ORC4: variants seen among roughly 807,000 people sequenced by gnomAD.
The protein encoded by ORC4 is origin recognition complex subunit 4.
ORC4 carries 55 observed loss-of-function variants against 63.9 expected under a neutral mutation model. The observed-to-expected ratio is 0.86, with a 90% CI of 0.69 to 1.08. The LOEUF (loss-of-function observed/expected upper bound fraction) is 1.08. Ranked by LOEUF, ORC4 falls within the 50% of genes least tolerant of loss-of-function variation. The probability of loss-of-function intolerance (pLI) is 0.00; values close to 1 mark genes in which losing one functional copy is unlikely to be tolerated. For synonymous variants in ORC4, 150 were observed against 168.5 expected (o/e 0.89, Z 0.85); for missense variants, 511 against 504.4 (o/e 1.01, Z -0.13).
chr2:148,011,355 A>C (rs971223537), intron 1 of ORC4, among the ~76,000 whole-genome samples: 5 of 152,260 alleles, frequency 3.3e-5, no homozygotes, highest in African/African-American at 1.2e-4. Context: ...TGGTATCAAC[A>C]GAATGAAGGA....
intron 4 of ORC4, among the ~76,000 whole-genome samples, chr2:147,959,786 C>T (rs1295355298): frequency 3.3e-5 from 5 of 152,036 alleles, no homozygotes; most frequent in Admixed American, 3.3e-4. Flanking sequence ...GAAAAGGAGA[C>T]AATCTCAAGA....
At chr2:147,964,022 G>A (rs549141661) in intron 4 of ORC4, among the ~76,000 whole-genome samples, 17 of 152,064 alleles carry the variant, frequency 1.1e-4, no homozygotes, top group African/African-American at 3.4e-4. Context: ...TACCTGAGGC[G>A]TATCAATCAA....
At chr2:147,957,424 T>C (rs1345339932) in intron 6 of ORC4, among the ~76,000 whole-genome samples, 1 of 151,800 alleles carries the variant, frequency 6.6e-6, no homozygotes, top group African/African-American at 2.4e-5. Context: ...GAAAATGAAG[T>C]TGGAATGTGT....
In ORC4 at chr2:147,938,286, G is replaced by T; in HGVS notation, c.1054+12C>A. On this transcript the variant is annotated intron_variant, in intron 12 of 13. Coordinates refer to ENST00000392857, the MANE Select transcript of ORC4 (RefSeq NM_181741.4). ...GAAGAGTCAGAAAAAAGCTACTTAA[G>T]TCTCATCTCACCATTATAGACCATT... The T allele has an allele frequency of 6.3e-7, 1 of 1,592,008 alleles. No individual in the cohort carries two copies. The highest frequency in any genetic ancestry group is 8.6e-7 in the Non-Finnish European group (1 of 1,160,410).
chr2:147,964,952 T>C lies in ORC4; in HGVS notation c.226-6086A>G, dbSNP rs566428144. Among the ~76,000 whole-genome samples, 11 of 152,146 alleles carry C rather than the reference T, an allele frequency of 7.2e-5. No individual in the cohort carries two copies. In the South Asian group the frequency reaches 2.3e-3, roughly 32 times the overall value. ...GAATGAAAGAACTGTCAGCTAAGAA[T>C]ATAATACCCAGCAGCTTCAGAAATA... On this transcript the variant is annotated intron_variant, in intron 4 of 13. Coordinates refer to ENST00000392857, the MANE Select transcript of ORC4 (RefSeq NM_181741.4).
intron 1 of ORC4, among the ~76,000 whole-genome samples, chr2:147,976,517 C>T (rs762583358): frequency 1.3e-5 from 2 of 152,124 alleles, no homozygotes; most frequent in Non-Finnish European, 2.9e-5. Flanking sequence ...GTGGTTCTTA[C>T]AGCTACTCCT....
intron 1 of ORC4, among the ~76,000 whole-genome samples, chr2:147,999,284 G>A (rs1692160601): frequency 6.6e-6 from 1 of 152,224 alleles, no homozygotes; most frequent in South Asian, 2.1e-4. Context: ...CACAGCAGAA[G>A]GTGAGGGTAT....
chr2:147,980,031 C>G (rs1359215937), intron 1 of ORC4, among the ~76,000 whole-genome samples: 3 of 151,958 alleles, frequency 2.0e-5, no homozygotes, highest in Admixed American at 6.6e-5. Context: ...GGATATGACT[C>G]CAAAAGCAGA....
At chr2:147,962,049 G>A (rs371657326) in intron 4 of ORC4, among the ~76,000 whole-genome samples, 10 of 152,178 alleles carry the variant, frequency 6.6e-5, no homozygotes, top group African/African-American at 2.4e-4. Context: ...GAGTACTGGA[G>A]TGCAGCAGGG....
intron 13 of ORC4, chr2:147,937,916 G>A: frequency 1.4e-5 from 8 of 579,112 alleles, no homozygotes; most frequent in Non-Finnish European, 2.2e-5. Context: ...TTTTCGGGAT[G>A]CAAGTGCTCT....
chr2:147,955,425 A>G (rs747229355), intron 6 of ORC4, 30 bp from the exon 7 acceptor site: 1 of 1,525,372 alleles, frequency 6.6e-7, no homozygotes, highest in African/African-American at 1.4e-5. Flanking sequence ...AAAATGATTA[A>G]AAGTTTAGTG....
intron 2 of ORC4, among the ~76,000 whole-genome samples, chr2:147,975,001 C>T (rs1347928965): frequency 2.0e-5 from 3 of 152,140 alleles, no homozygotes; most frequent in Admixed American, 6.5e-5. Flanking sequence ...AGGATTCGTG[C>T]ACTTTACATA....
intron 7 of ORC4, among the ~76,000 whole-genome samples, chr2:147,955,144 T>C (rs770394351): frequency 1.6e-4 from 24 of 151,926 alleles, no homozygotes; most frequent in Non-Finnish European, 2.9e-4. Flanking sequence ...CAGTATATCA[T>C]TGAATAAAGA....
intron 1 of ORC4, among the ~76,000 whole-genome samples, chr2:148,012,830 T>C (rs1693049593): frequency 6.6e-6 from 1 of 152,094 alleles, no homozygotes; most frequent in Admixed American, 6.5e-5. Flanking sequence ...AACAGGCATA[T>C]GAAAAAAATG....
chr2:148,000,047 C>A (rs1573879668), intron 1 of ORC4, among the ~76,000 whole-genome samples: 2 of 147,314 alleles, frequency 1.4e-5, no homozygotes, highest in Admixed American at 6.7e-5. Context: ...GTAAATTTTC[C>A]AGAAAGTATG....
intron 1 of ORC4, among the ~76,000 whole-genome samples, chr2:147,977,281 A>C (rs1394192050): frequency 2.6e-5 from 4 of 152,252 alleles, no homozygotes; most frequent in Non-Finnish European, 5.9e-5. Flanking sequence ...GAAGGAACAC[A>C]GCTTTGCTAA....
At chr2:147,979,290 A>C (rs989002773) in intron 1 of ORC4, among the ~76,000 whole-genome samples, 17 of 152,204 alleles carry the variant, frequency 1.1e-4, no homozygotes, top group African/African-American at 3.4e-4. Flanking sequence ...TAAAAAAATC[A>C]ATAAGATTTC....
intron 9 of ORC4, among the ~76,000 whole-genome samples, chr2:147,945,303 T>C (rs2105277944): frequency 6.6e-6 from 1 of 152,242 alleles, no homozygotes; most frequent in East Asian, 1.9e-4. Context: ...CTTTATTTTT[T>C]AGTGGTTTGA....
At chr2:148,005,676 A>C (rs961791034) in intron 1 of ORC4, among the ~76,000 whole-genome samples, 210 of 151,110 alleles carry the variant, frequency 1.4e-3, no homozygotes, top group African/African-American at 4.7e-3. Flanking sequence ...AAAAAAAAAA[A>C]AAAACAACCT....
Sources: gnomAD v4.1 joint callset for allele counts (sites outside exome capture counted in the v4.1 genomes callset) on GRCh38, gnomAD v4.1.1 for gene constraint, MANE v1.5 for transcripts, NCBI Gene and HGNC (gene_info 2026-07-23, HGNC 2026-07-21) for gene names.